Variants in ATP2B2 observed in about 807,000 individuals in gnomAD.
ATP2B2 encodes the protein ATPase plasma membrane Ca2+ transporting 2, also known as plasma membrane calcium-transporting ATPase 2.
Under a neutral mutation model 120.0 loss-of-function variants are expected in ATP2B2, and 15 were observed. The observed-to-expected ratio is 0.12, with a 90% CI of 0.08 to 0.19. The LOEUF (loss-of-function observed/expected upper bound fraction) is 0.19, where lower values mean the gene tolerates loss of function less well. Among genes scored for constraint, ATP2B2 ranks in the 10% least tolerant of loss-of-function variants. The pLI is 1.00. For missense variants in ATP2B2, 1,045 were observed against 1,719.8 expected, an observed-to-expected ratio of 0.61 and a Z score of 6.94; for synonymous variants, 694 against 700.3, an observed-to-expected ratio of 0.99 and a Z score of 0.14.
In ATP2B2 at chr3:10,340,433, C is replaced by A; in HGVS notation, c.3129+60G>T. 11 of 1,613,658 alleles carry A rather than the reference C, an allele frequency of 6.8e-6. No homozygotes were observed. The highest frequency in any genetic ancestry group is 9.3e-6 in the Non-Finnish European group (11 of 1,179,650). On this transcript the variant is annotated intron_variant, in intron 20 of 22. Transcript: ENST00000360273. The surrounding 1 kb of genome is among the most constrained non-coding windows in gnomAD (Gnocchi z 5.0). ...GAGGGCTGGGCTCTCAGGGTCCTGCCCAGGGGCTCCAGCCGCTTGCTGCCC... is the reference window on the plus strand; with the variant it reads ...GAGGGCTGGGCTCTCAGGGTCCTGCACAGGGGCTCCAGCCGCTTGCTGCCC...
chr3:10,386,412 A>C, intron 7 of ATP2B2, 68 bp downstream of exon 7: 32 of 1,503,916 alleles, frequency 2.1e-5, no homozygotes, highest in Non-Finnish European at 2.7e-5. Context: ...GTCTAGGGGC[A>C]GGGCCCAATG....
intron 1 of ATP2B2, among the ~76,000 whole-genome samples, chr3:10,485,979 A>G (rs1373000465): frequency 6.6e-6 from 1 of 152,156 alleles, no homozygotes; most frequent in Admixed American, 6.5e-5. Context: ...CGCCATTGCG[A>G]CATGGGGCCG....
intron 2 of ATP2B2, among the ~76,000 whole-genome samples, chr3:10,583,237 A>T (rs958990240): frequency 6.6e-6 from 1 of 152,188 alleles, no homozygotes; most frequent in African/African-American, 2.4e-5. Flanking sequence ...GCTTGGAAGG[A>T]TTGCATTCTG....
At chr3:10,408,552 G>A (rs1025165500) in intron 3 of ATP2B2, among the ~76,000 whole-genome samples, 14 of 152,276 alleles carry the variant, frequency 9.2e-5, no homozygotes, top group Middle Eastern at 6.8e-3. Flanking sequence ...GACCAGGGGC[G>A]GCCTGAGCTA....
intron 14 of ATP2B2, among the ~76,000 whole-genome samples, chr3:10,354,759 G>T (rs530526396): frequency 6.6e-6 from 1 of 152,360 alleles, no homozygotes; most frequent in South Asian, 2.1e-4. Flanking sequence ...GGGAGGTAAA[G>T]ATTGTTTTCT....
At chr3:10,648,514 A>G (rs528782839) in intron 1 of ATP2B2, among the ~76,000 whole-genome samples, 12 of 152,166 alleles carry the variant, frequency 7.9e-5, no homozygotes, top group African/African-American at 2.7e-4. Flanking sequence ...CCAACTTTCT[A>G]TCTCCAACCC....
intron 2 of ATP2B2, among the ~76,000 whole-genome samples, chr3:10,442,192 A>C (rs1318228676): frequency 6.6e-6 from 1 of 152,044 alleles, no homozygotes; most frequent in African/African-American, 2.4e-5. Flanking sequence ...GGGTCTGCCT[A>C]ATGCTCTGCC....
intron 1 of ATP2B2, among the ~76,000 whole-genome samples, chr3:10,696,821 T>C (rs1041932821): frequency 6.6e-6 from 1 of 152,162 alleles, no homozygotes; most frequent in Non-Finnish European, 1.5e-5. Context: ...AGGTGAAATG[T>C]GGAGGTGGTA....
At chr3:10,474,053 G>C (rs1316338662) in intron 1 of ATP2B2, among the ~76,000 whole-genome samples, 1 of 152,202 alleles carries the variant, frequency 6.6e-6, no homozygotes, top group Non-Finnish European at 1.5e-5. Flanking sequence ...GGTGGCTACT[G>C]TGTCATCCAG....
intron 12 of ATP2B2, among the ~76,000 whole-genome samples, chr3:10,366,443 T>G (rs1191237739): frequency 6.6e-6 from 1 of 152,178 alleles, no homozygotes; most frequent in Non-Finnish European, 1.5e-5. Flanking sequence ...GCAGGGGGAA[T>G]CCTTCCTTCA....
At chr3:10,613,003 T>C (rs149731267) in intron 2 of ATP2B2, among the ~76,000 whole-genome samples, 137 of 152,214 alleles carry the variant, frequency 9.0e-4, no homozygotes, top group African/African-American at 3.2e-3. Context: ...AACCATGCCA[T>C]TACAGAGTTG....
At chr3:10,351,400 T>C (rs1391824790) in intron 14 of ATP2B2, among the ~76,000 whole-genome samples, 2 of 152,266 alleles carry the variant, frequency 1.3e-5, no homozygotes, top group Non-Finnish European at 2.9e-5. Flanking sequence ...TAATATTTGC[T>C]GCAGAACGTC....
At chr3:10,348,057 G>T (rs3774193) in intron 16 of ATP2B2, among the ~76,000 whole-genome samples, 1 of 151,942 alleles carries the variant, frequency 6.6e-6, no homozygotes, top group South Asian at 2.1e-4. Context: ...ACCATCACTC[G>T]GGCAGCTCTT....
At chr3:10,550,439 G>T (rs1334251632) in intron 2 of ATP2B2, among the ~76,000 whole-genome samples, 2 of 152,148 alleles carry the variant, frequency 1.3e-5, no homozygotes, top group Non-Finnish European at 2.9e-5. Context: ...ATTTAGCATA[G>T]AAATAAACTT....
chr3:10,455,455 C>A (rs1273522602), intron 1 of ATP2B2, among the ~76,000 whole-genome samples: 3 of 152,234 alleles, frequency 2.0e-5, no homozygotes, highest in Non-Finnish European at 2.9e-5. Flanking sequence ...CTTTGCTGGG[C>A]TTCCTCTGTA....
chr3:10,342,692 T>TGGTGCAC lies in ATP2B2; in HGVS notation c.2917+53_2917+59dup. On this transcript the variant is annotated intron_variant, in intron 19 of 22. Transcript: ENST00000360273. This position sits in a 1 kb window ranked among gnomAD's most constrained non-coding sequence, Gnocchi z 4.4. Reference sequence around the variant, plus strand: ...ACTCGAGAATGCTGGGTGAGAGCCATGGTGCACCCAGAAGGTGATGACCCC... The same window carrying TGGTGCAC: ...ACTCGAGAATGCTGGGTGAGAGCCATGGTGCACGGTGCACCCAGAAGGTGATGACCCC... The TGGTGCAC allele has an allele frequency of 6.4e-7, 1 of 1,564,066 alleles. No individual in the cohort carries two copies. The highest frequency in any genetic ancestry group is 1.1e-5 in the South Asian group (1 of 89,512).
chr3:10,613,891 C>G (rs774275376), intron 2 of ATP2B2, among the ~76,000 whole-genome samples: 87 of 152,090 alleles, frequency 5.7e-4, no homozygotes, highest in Non-Finnish European at 6.2e-4. Flanking sequence ...TTCTCCCTCC[C>G]CTGTGCTGTC....
intron 14 of ATP2B2, among the ~76,000 whole-genome samples, chr3:10,351,035 G>T (rs2060564964): frequency 1.3e-5 from 2 of 152,156 alleles, no homozygotes; most frequent in African/African-American, 2.4e-5. Context: ...GTTTCTTGGG[G>T]GGACATTTGC....
chr3:10,587,599 C>T (rs912948831), intron 2 of ATP2B2, among the ~76,000 whole-genome samples: 4 of 152,108 alleles, frequency 2.6e-5, no homozygotes, highest in South Asian at 2.1e-4. Context: ...AGGCTGATCT[C>T]GAACACTTGA....
Sources: gnomAD v4.1 joint callset for allele counts (sites outside exome capture counted in the v4.1 genomes callset) on GRCh38, gnomAD v4.1.1 for gene constraint, Gnocchi (gnomAD v3.1) non-coding constraint, MANE v1.5 for transcripts, NCBI Gene and HGNC (gene_info 2026-07-23, HGNC 2026-07-21) for gene names.